The following FZD3 variants were observed in gnomAD, a reference collection of about 807,000 sequenced individuals.
FZD3 encodes frizzled class receptor 3.
In FZD3, 30 loss-of-function variants were observed where a neutral mutation model predicts 60.7. The ratio of observed to expected loss-of-function variants is 0.49; its 90% CI spans 0.37 to 0.67. The LOEUF (loss-of-function observed/expected upper bound fraction) is 0.67, where lower values mean the gene tolerates loss of function less well. FZD3 is among the 30% of genes least tolerant of loss of function. The pLI, the probability that FZD3 is intolerant of heterozygous loss-of-function variation, is 0.00. For missense variants in FZD3, 605 were observed against 838.7 expected (o/e 0.72, Z 3.44); for synonymous variants, 246 against 275.2 (o/e 0.89, Z 1.05).
At chr8:28,505,475 C>G (rs914254198) in intron 3 of FZD3, among the ~76,000 whole-genome samples, 2 of 152,096 alleles carry the variant, frequency 1.3e-5, no homozygotes, top group African/African-American at 4.8e-5. Context: ...CTCAGCCTCC[C>G]AAGTAGCTGG....
chr8:28,547,364 A>G (rs994390851), intron 5 of FZD3, among the ~76,000 whole-genome samples: 1 of 152,218 alleles, frequency 6.6e-6, no homozygotes, highest in African/African-American at 2.4e-5. Flanking sequence ...ATATGTGTAC[A>G]ATACTTGAAC....
At chr8:28,513,159 T>C (rs1386234397) in intron 3 of FZD3, among the ~76,000 whole-genome samples, 1 of 152,138 alleles carries the variant, frequency 6.6e-6, no homozygotes, top group East Asian at 1.9e-4. Context: ...GACAAAAAAA[T>C]AGCAGCTTCT....
In FZD3 at chr8:28,527,475, A is replaced by G. The variant is rs763613499; in HGVS notation, c.715A>G (p.Ile239Val). ...TRFRYPERPIIFYAVCYMMVS... is the reference protein window; with the variant it reads ...TRFRYPERPIVFYAVCYMMVS... ...ATTCCGTTATCCTGAAAGGCCTATT[A>G]TATTTTATGCAGTCTGCTACATGAT... The change falls in exon 5 of 8, where the codon ATA (isoleucine) becomes GTA (valine). Residue 239 changes from isoleucine to valine, a missense_variant. Transcript: ENST00000240093. This position sits in a 1 kb window ranked among gnomAD's most constrained non-coding sequence, Gnocchi z 5.0. 1 of 1,613,498 alleles carries G rather than the reference A, an allele frequency of 6.2e-7. No homozygotes were observed. Among genetic ancestry groups the G allele is most frequent in the Middle Eastern group, 1.6e-4 (1 of 6,062 alleles).
chr8:28,509,013 A>G (rs1378492619), intron 3 of FZD3, among the ~76,000 whole-genome samples: 1 of 152,054 alleles, frequency 6.6e-6, no homozygotes, highest in Non-Finnish European at 1.5e-5. Context: ...ATTTCTTTAT[A>G]CTTCTTTTTG....
chr8:28,559,594 A>G (rs1012368477), intron 7 of FZD3, among the ~76,000 whole-genome samples: 9 of 152,212 alleles, frequency 5.9e-5, no homozygotes, highest in African/African-American at 2.2e-4. Context: ...GTGGCACCCT[A>G]CTGAAGGTGT....
chr8:28,523,294 A>G (rs1030936201), intron 4 of FZD3, among the ~76,000 whole-genome samples: 37 of 152,166 alleles, frequency 2.4e-4, no homozygotes, highest in African/African-American at 7.2e-4. Flanking sequence ...TCTGCTTCCA[A>G]CATGGCACCT....
rs376137685 is a variant in FZD3 at position 28,538,121 on chromosome 8, A to AAATAAT, written c.1404+9979_1404+9984dup. On this transcript the variant is annotated intron_variant, in intron 5 of 7. Transcript: ENST00000240093. ...GACAAGAGTGAAACTCTTGTCTCCA[A>AAATAAT]AATAATAATAATAATAATAATAATA... Among the ~76,000 whole-genome samples the AAATAAT allele has an allele frequency of 1.5e-4, 22 of 149,808 alleles. No individual in the cohort carries two copies. In the East Asian group the frequency reaches 2.2e-3, roughly 15 times the overall value.
intron 1 of FZD3, among the ~76,000 whole-genome samples, chr8:28,496,087 C>A (rs1250488823): frequency 6.6e-6 from 1 of 152,068 alleles, no homozygotes; most frequent in East Asian, 1.9e-4. Context: ...GTGGCTATTT[C>A]TTGGGAGTTC....
chr8:28,502,435 T>C (rs550191917), intron 2 of FZD3, among the ~76,000 whole-genome samples: 10 of 152,342 alleles, frequency 6.6e-5, no homozygotes, highest in African/African-American at 2.2e-4. Context: ...CCATGTGTTA[T>C]ATAAGCAACT....
intron 4 of FZD3, among the ~76,000 whole-genome samples, chr8:28,525,781 G>A (rs967259696): frequency 4.6e-5 from 7 of 152,124 alleles, no homozygotes; most frequent in Admixed American, 2.0e-4. Context: ...AGATCAATTG[G>A]AGGCCCCTCT....
chr8:28,536,081 C>T (rs79358158), intron 5 of FZD3, among the ~76,000 whole-genome samples: 12 of 152,226 alleles, frequency 7.9e-5, no homozygotes, highest in South Asian at 6.2e-4. Flanking sequence ...AACCTCTTAC[C>T]GGAGTGCTTT....
At chr8:28,525,929 A>G (rs913000553) in intron 4 of FZD3, among the ~76,000 whole-genome samples, 3 of 152,180 alleles carry the variant, frequency 2.0e-5, no homozygotes, top group Non-Finnish European at 4.4e-5. Flanking sequence ...ATGAAAGATA[A>G]GGGACATCAA....
At chr8:28,498,188 A>G (rs955888185) in intron 1 of FZD3, among the ~76,000 whole-genome samples, 1 of 152,184 alleles carries the variant, frequency 6.6e-6, no homozygotes, top group African/African-American at 2.4e-5. Context: ...TTCCCATACA[A>G]AGGGCGTGAG....
At position 28,502,870 on chromosome 8, in the gene FZD3, G is replaced by T; in HGVS notation, c.-144G>T. On this transcript the variant is annotated 5_prime_UTR_variant, in exon 3 of 8. Transcript: ENST00000240093. ...AGACCAAGCTAACAAACCTCTGACG[G>T]TGCGAAGAGTATTTAACTGTTTGAA... is the stretch of plus-strand genomic sequence containing the variant. The T allele has an allele frequency of 2.0e-6, 1 of 492,620 alleles. No individual in the cohort carries two copies. The highest frequency in any genetic ancestry group is 3.6e-6 in the Non-Finnish European group (1 of 279,448). The allele number at this position is 492,620 out of a possible 1,614,324, so 30.5% of individuals were successfully genotyped here. A position where few individuals can be genotyped will look rare whatever the true frequency, so the allele number is the denominator to read the frequency against.
chr8:28,544,379 TTG>T (rs1241218148), intron 5 of FZD3, among the ~76,000 whole-genome samples: 1 of 152,146 alleles, frequency 6.6e-6, no homozygotes, highest in Non-Finnish European at 1.5e-5. Context: ...TAGAAATTTA[TTG>T]TGTTTTCTAT....
chr8:28,569,585 A>G lies in FZD3; in HGVS notation c.*6574A>G, dbSNP rs1805768196. 1.3e-5 allele frequency: 2 copies of G among 152,152 alleles called. No individual in the cohort carries two copies. The highest frequency in any genetic ancestry group is 2.9e-5 in the Non-Finnish European group (2 of 67,998). 9.4% of individuals were successfully genotyped at this position (152,152 alleles called of 1,614,324 possible). ...CTAGATCAACTTGTATTATTTTACT[A>G]GATCAACCTGTATTATTAACGTCAT... On this transcript the variant is annotated 3_prime_UTR_variant, in exon 8 of 8. Coordinates refer to ENST00000240093, the MANE Select transcript of FZD3 (RefSeq NM_017412.4).
chr8:28,498,500 A>G (rs1239870063), intron 1 of FZD3, among the ~76,000 whole-genome samples: 2 of 152,190 alleles, frequency 1.3e-5, no homozygotes, highest in East Asian at 3.8e-4. Context: ...ATACTCACAT[A>G]ATTGTGATTA....
chr8:28,506,656 G>A (rs1281872472), intron 3 of FZD3, among the ~76,000 whole-genome samples: 1 of 152,020 alleles, frequency 6.6e-6, no homozygotes, highest in Non-Finnish European at 1.5e-5. Flanking sequence ...GTTTTCCTTT[G>A]TCATTCTCAT....
chr8:28,544,231 C>G (rs1177438486), intron 5 of FZD3, among the ~76,000 whole-genome samples: 2 of 152,100 alleles, frequency 1.3e-5, no homozygotes, highest in Admixed American at 6.6e-5. Flanking sequence ...CTGCTACATT[C>G]ATGTGTTCCT....
Sources: allele counts gnomAD v4.1 joint callset (sites outside exome capture counted in the v4.1 genomes callset), GRCh38; gene constraint gnomAD v4.1.1; non-coding constraint Gnocchi (gnomAD v3.1); transcripts MANE v1.5; gene names NCBI Gene and HGNC (gene_info 2026-07-23, HGNC 2026-07-21).